CFAP20DC: variants seen among roughly 807,000 people sequenced by gnomAD.
The protein encoded by CFAP20DC is protein CFAP20DC.
A neutral mutation model predicts 101.7 loss-of-function variants in CFAP20DC; 84 were observed. That is an observed-to-expected ratio of 0.83 (90% confidence interval 0.69 to 0.99). The LOEUF (loss-of-function observed/expected upper bound fraction) is 0.99. CFAP20DC is among the 50% of genes least tolerant of loss of function. The pLI, the probability that CFAP20DC is intolerant of heterozygous loss-of-function variation, is 0.00. For synonymous variants in CFAP20DC, 359 were observed against 351.2 expected (o/e 1.02, Z -0.25); for missense variants, 1,007 against 970.3 (o/e 1.04, Z -0.50).
rs116134039 is a variant in CFAP20DC, at chr3:58,833,629, A to T, written c.1972-1740T>A. Among the ~76,000 whole-genome samples the T allele has an allele frequency of 8.7e-3, 1,325 of 152,340 alleles. 20 individuals carry two copies. Among genetic ancestry groups the T allele is most frequent in the African/African-American group, 0.03 (1,248 of 41,578 alleles). ...CCTCATACAGTGTTGGCAGAAAAGTAGAATGTTGCAGCCACTTTGGAAAAC... is the reference window on the plus strand; with the variant it reads ...CCTCATACAGTGTTGGCAGAAAAGTTGAATGTTGCAGCCACTTTGGAAAAC... On this transcript the variant is annotated intron_variant, in intron 13 of 16. Coordinates refer to ENST00000482387, the MANE Select transcript of CFAP20DC (RefSeq NM_001394063.1).
chr3:59,018,311 T>C (rs983826536), intron 4 of CFAP20DC: 7 of 152,138 alleles, frequency 4.6e-5, no homozygotes, highest in African/African-American at 1.7e-4. Context: ...AGAATCATCA[T>C]GCTAAACTGG....
At chr3:58,748,871 T>G (rs1205238732) in intron 16 of CFAP20DC, among the ~76,000 whole-genome samples, 1 of 152,192 alleles carries the variant, frequency 6.6e-6, no homozygotes, top group African/African-American at 2.4e-5. Context: ...AGTGTCCTGA[T>G]GCACACTCAG....
chr3:59,039,426 T>C (rs375881588), intron 4 of CFAP20DC, 131 bp downstream of exon 4: 20 of 595,550 alleles, frequency 3.4e-5, no homozygotes, highest in African/African-American at 2.2e-4. Flanking sequence ...AATTACTTGA[T>C]GTTGACTTGA....
intron 15 of CFAP20DC, among the ~76,000 whole-genome samples, chr3:58,774,432 C>T (rs2071136895): frequency 6.6e-6 from 1 of 152,302 alleles, no homozygotes; most frequent in East Asian, 1.9e-4. Flanking sequence ...AATTCTTCCC[C>T]TTGATATTCC....
chr3:58,816,532 A>G (rs1032059308), intron 14 of CFAP20DC, among the ~76,000 whole-genome samples: 1 of 152,160 alleles, frequency 6.6e-6, no homozygotes, highest in African/African-American at 2.4e-5. Flanking sequence ...GGGGTGACGG[A>G]CGCATCTGGA....
At position 59,038,719 on chromosome 3, in the gene CFAP20DC, A is replaced by G. The variant is rs912263557; in HGVS notation, c.278+838T>C. On this transcript the variant is annotated intron_variant, in intron 4 of 16. Transcript: ENST00000482387. ...TTGGGGTGCCATGAACAAACCCCATATAAGATGGTGAACTTGATTAATAAA... is the reference window on the plus strand; with the variant it reads ...TTGGGGTGCCATGAACAAACCCCATGTAAGATGGTGAACTTGATTAATAAA... Among the ~76,000 whole-genome samples the G allele has an allele frequency of 5.3e-5, 8 of 152,136 alleles. No homozygotes were observed. The East Asian group carries it at 1.5e-3, about 29-fold the overall frequency.
At chr3:59,025,255 C>A (rs185406083) in intron 4 of CFAP20DC, among the ~76,000 whole-genome samples, 2 of 152,026 alleles carry the variant, frequency 1.3e-5, no homozygotes, top group African/African-American at 4.8e-5. Flanking sequence ...CATGTTTATG[C>A]CCATCATTTC....
At chr3:58,915,049 G>A (rs1370988502) in intron 5 of CFAP20DC, 1 of 152,148 alleles carries the variant, frequency 6.6e-6, no homozygotes, top group Non-Finnish European at 1.5e-5. Context: ...CATCTGGAGA[G>A]GGTAAAGCAT....
Position 58,964,747 on chromosome 3 carries a change from C to T in CFAP20DC, c.279-26985G>A, listed in dbSNP as rs2091410724. Among the ~76,000 whole-genome samples, 1 of 152,094 alleles carries T rather than the reference C, an allele frequency of 6.6e-6. No individual in the cohort carries two copies. Among genetic ancestry groups the T allele is most frequent in the Non-Finnish European group, 1.5e-5 (1 of 68,012 alleles). The stretch of plus-strand genomic sequence containing the variant: ...GCATTCATGACAAAATATTTCTAAC[C>T]TAAAACGGAACCATAATTAACATAG... On this transcript the variant is annotated intron_variant, in intron 4 of 16. Transcript: ENST00000482387. This position sits in a 1 kb window ranked among gnomAD's most constrained non-coding sequence, Gnocchi z 4.1.
At position 58,795,777 on chromosome 3, in the gene CFAP20DC, A is replaced by T. The variant is rs2073196945; in HGVS notation, c.2237+10618T>A. The stretch of plus-strand genomic sequence containing the variant: ...CTAGGGGAATGGGTTTCATAAGTTT[A>T]TAATTTTCGAAAACATGACAATAAC... On this transcript the variant is annotated intron_variant, in intron 15 of 16. Transcript: ENST00000482387. This position sits in a 1 kb window ranked among gnomAD's most constrained non-coding sequence, Gnocchi z 4.2. Among the ~76,000 whole-genome samples the T allele has an allele frequency of 6.6e-6, 1 of 152,218 alleles. No homozygotes were observed. The highest frequency in any genetic ancestry group is 6.5e-5 in the Admixed American group (1 of 15,278).
intron 14 of CFAP20DC, among the ~76,000 whole-genome samples, chr3:58,820,389 A>G (rs1184379678): frequency 6.6e-6 from 1 of 150,528 alleles, no homozygotes; most frequent in Admixed American, 6.6e-5. Context: ...TATATCTAGA[A>G]AACCCCATTG....
intron 10 of CFAP20DC, 152 bp from the exon 11 acceptor site, chr3:58,866,840 T>C (rs2079735968): frequency 2.0e-6 from 1 of 506,898 alleles, no homozygotes; most frequent in Non-Finnish European, 3.4e-6. Flanking sequence ...GTTTTTTTTT[T>C]CAGTAGACTG....
intron 11 of CFAP20DC, 147 bp downstream of exon 11, chr3:58,866,419 T>C: frequency 1.7e-6 from 1 of 585,708 alleles, no homozygotes; most frequent in Non-Finnish European, 2.9e-6. Context: ...TGACATAAAA[T>C]TGAGGTTAAA....
chr3:58,999,441 A>G (rs2093241982), intron 4 of CFAP20DC, among the ~76,000 whole-genome samples: 1 of 152,188 alleles, frequency 6.6e-6, no homozygotes, highest in Admixed American at 6.5e-5. Flanking sequence ...GACTATCTGA[A>G]TGTAACAAGA....
rs926452120 is a variant in CFAP20DC, at chr3:59,014,712, T to A, written c.278+24845A>T. ...TTATTTACTAACGGCTAACCCTCAATTATCTGCATTAATTGTGGAAGTCAG... is the reference window on the plus strand; with the variant it reads ...TTATTTACTAACGGCTAACCCTCAAATATCTGCATTAATTGTGGAAGTCAG... On this transcript the variant is annotated intron_variant, in intron 4 of 16. Coordinates refer to ENST00000482387, the MANE Select transcript of CFAP20DC (RefSeq NM_001394063.1). This position sits in a 1 kb window ranked among gnomAD's most constrained non-coding sequence, Gnocchi z 4.9. Among the ~76,000 whole-genome samples, 2 of 152,136 alleles carry A rather than the reference T, an allele frequency of 1.3e-5. No individual in the cohort carries two copies. Among genetic ancestry groups the A allele is most frequent in the Admixed American group, 6.5e-5 (1 of 15,274 alleles).
chr3:58,934,065 T>C (rs889336065), intron 5 of CFAP20DC, among the ~76,000 whole-genome samples: 5 of 151,520 alleles, frequency 3.3e-5, no homozygotes, highest in African/African-American at 1.2e-4. Flanking sequence ...ATCAAATAGG[T>C]GGAATAAAAA....
intron 16 of CFAP20DC, among the ~76,000 whole-genome samples, chr3:58,749,528 T>TGGGAGA (rs1480832116): frequency 6.6e-6 from 1 of 152,240 alleles, no homozygotes; most frequent in Non-Finnish European, 1.5e-5. Flanking sequence ...CTGCTACCCA[T>TGGGAGA]TTATATCTCA....
rs191328120 is a variant in CFAP20DC at position 58,864,248 on chromosome 3, C to T, written c.1259-356G>A. 3.7e-4 allele frequency among the ~76,000 whole-genome samples: 57 copies of T among 152,142 alleles called. No homozygotes were observed. The highest frequency in any genetic ancestry group is 1.2e-3 in the African/African-American group (48 of 41,422). On this transcript the variant is annotated intron_variant, in intron 11 of 16. Transcript: ENST00000482387. This position sits in a 1 kb window ranked among gnomAD's most constrained non-coding sequence, Gnocchi z 4.7. ...CTGGGATTACAGGCATGAGCCACCG[C>T]GCCTGGCCAAAAGTGTTATTTTAGG...
chr3:59,034,506 C>G (rs1473144135), intron 4 of CFAP20DC, among the ~76,000 whole-genome samples: 1 of 151,978 alleles, frequency 6.6e-6, no homozygotes, highest in Non-Finnish European at 1.5e-5. Context: ...GAATATTTAC[C>G]AAGAAAATGG....
Sources: allele counts gnomAD v4.1 joint callset (sites outside exome capture counted in the v4.1 genomes callset), GRCh38; gene constraint gnomAD v4.1.1; non-coding constraint Gnocchi (gnomAD v3.1); transcripts MANE v1.5; gene names NCBI Gene and HGNC (gene_info 2026-07-23, HGNC 2026-07-21).